PTPRR: variants seen among roughly 807,000 people sequenced by gnomAD.
PTPRR encodes protein tyrosine phosphatase receptor type R, also known as receptor-type tyrosine-protein phosphatase R.
Under a neutral mutation model 77.2 loss-of-function variants are expected in PTPRR, and 38 were observed. The observed-to-expected ratio is 0.49, with a 90% CI of 0.38 to 0.65. The LOEUF (loss-of-function observed/expected upper bound fraction) is 0.65, where lower values mean the gene tolerates loss of function less well. Among genes scored for constraint, PTPRR ranks in the 30% least tolerant of loss-of-function variants. The probability of loss-of-function intolerance (pLI) is 0.00; values close to 1 mark genes in which losing one functional copy is unlikely to be tolerated. For synonymous variants in PTPRR, 299 were observed against 283.1 expected, an observed-to-expected ratio of 1.06 and a Z score of -0.57; for missense variants, 744 against 799.2, an observed-to-expected ratio of 0.93 and a Z score of 0.83.
chr12:70,752,669 G>A (rs1000899108), intron 5 of PTPRR, among the ~76,000 whole-genome samples: 6 of 152,008 alleles, frequency 3.9e-5, no homozygotes, highest in African/African-American at 9.7e-5. Context: ...CACATCCATT[G>A]ATCCCCTGAA....
At chr12:70,792,458 C>A (rs970046865) in intron 2 of PTPRR, among the ~76,000 whole-genome samples, 1 of 152,124 alleles carries the variant, frequency 6.6e-6, no homozygotes, top group Non-Finnish European at 1.5e-5. Flanking sequence ...TCTTGGTGAA[C>A]TTTTCTGTCA....
At position 70,701,512 on chromosome 12, in the gene PTPRR, T is replaced by C. The variant is rs538385294; in HGVS notation, c.1008-189A>G. On this transcript the variant is annotated intron_variant, in intron 6 of 13. Coordinates refer to ENST00000283228, the MANE Select transcript of PTPRR (RefSeq NM_002849.4). ...GTTCCTTCACAGGAAAATAACAATT[T>C]TGTTGTTGGAAAGAACTCTAAATTG... Among the ~76,000 whole-genome samples, 2 of 152,316 alleles carry C rather than the reference T, an allele frequency of 1.3e-5. 1 individual carries two copies. The highest frequency in any genetic ancestry group is 4.1e-4 in the South Asian group (2 of 4,826).
chr12:70,695,151 C>A (rs528558948), intron 8 of PTPRR, among the ~76,000 whole-genome samples: 53 of 152,080 alleles, frequency 3.5e-4, no homozygotes, highest in Non-Finnish European at 6.5e-4. Flanking sequence ...TGTTGCAAGG[C>A]ATTCTCAGAA....
At chr12:70,781,799 T>C (rs1007719345) in intron 2 of PTPRR, among the ~76,000 whole-genome samples, 2 of 152,174 alleles carry the variant, frequency 1.3e-5, no homozygotes. Context: ...TAGTTTTAAA[T>C]AACTATGACC....
intron 6 of PTPRR, among the ~76,000 whole-genome samples, chr12:70,740,744 G>A (rs1487953385): frequency 6.6e-6 from 1 of 152,056 alleles, no homozygotes; most frequent in East Asian, 1.9e-4. Flanking sequence ...AAAAGATTGG[G>A]ACAAGTGACT....
intron 2 of PTPRR, among the ~76,000 whole-genome samples, chr12:70,890,398 G>A (rs1893314970): frequency 6.6e-6 from 1 of 152,134 alleles, no homozygotes; most frequent in Non-Finnish European, 1.5e-5. Flanking sequence ...ATGCTTTGCG[G>A]TGGCAATTGG....
At chr12:70,785,319 T>C (rs1312256088) in intron 2 of PTPRR, among the ~76,000 whole-genome samples, 1 of 126,350 alleles carries the variant, frequency 7.9e-6, no homozygotes, top group Non-Finnish European at 1.6e-5. Context: ...TTTTATAACC[T>C]AGTTTTTCCT....
intron 2 of PTPRR, among the ~76,000 whole-genome samples, chr12:70,869,051 G>C (rs1433956733): frequency 1.9e-5 from 2 of 105,164 alleles, no homozygotes; most frequent in African/African-American, 7.3e-5. Context: ...GGGGGAGGGG[G>C]GAGGGATAGC....
At chr12:70,803,408 A>C (rs1891651402) in intron 2 of PTPRR, among the ~76,000 whole-genome samples, 1 of 152,218 alleles carries the variant, frequency 6.6e-6, no homozygotes, top group Admixed American at 6.5e-5. Flanking sequence ...ATATGTCCAG[A>C]GTTGAATACT....
At chr12:70,682,002 A>C (rs1328529909) in intron 10 of PTPRR, among the ~76,000 whole-genome samples, 5 of 134,948 alleles carry the variant, frequency 3.7e-5, no homozygotes, top group Non-Finnish European at 1.6e-5. Context: ...GCATCATCCT[A>C]TATTAGTAGG....
At chr12:70,717,569 C>T (rs538524178) in intron 6 of PTPRR, among the ~76,000 whole-genome samples, 5 of 152,264 alleles carry the variant, frequency 3.3e-5, no homozygotes, top group Middle Eastern at 3.4e-3. Context: ...ATAGCTCTAT[C>T]ACATTTTTGT....
intron 2 of PTPRR, among the ~76,000 whole-genome samples, chr12:70,819,901 GAA>G (rs1463837636): frequency 6.6e-6 from 1 of 152,060 alleles, no homozygotes; most frequent in Non-Finnish European, 1.5e-5. Context: ...CTACAGCTAT[GAA>G]GAGAAGTTCT....
chr12:70,661,471 A>G (rs1470250691), intron 11 of PTPRR, among the ~76,000 whole-genome samples: 2 of 152,212 alleles, frequency 1.3e-5, no homozygotes, highest in African/African-American at 2.4e-5. Context: ...AGCATTCCTG[A>G]CAAGTTATTA....
intron 1 of PTPRR, among the ~76,000 whole-genome samples, chr12:70,903,797 C>T (rs891692112): frequency 2.6e-5 from 4 of 151,590 alleles, no homozygotes; most frequent in South Asian, 4.1e-4. Context: ...AGAAAGCTAG[C>T]TAGAGAGTGG....
At chr12:70,684,060 C>T (rs1887769229) in intron 10 of PTPRR, 67 bp downstream of exon 10, 1 of 1,520,190 alleles carries the variant, frequency 6.6e-7, no homozygotes. Context: ...GGCAATTTTA[C>T]TAACACAGTA....
chr12:70,787,196 A>G (rs1891340823), intron 2 of PTPRR, among the ~76,000 whole-genome samples: 1 of 152,154 alleles, frequency 6.6e-6, no homozygotes, highest in South Asian at 2.1e-4. Context: ...TTTTAGGAAG[A>G]TTGAGGTCCT....
chr12:70,765,668 C>T (rs1890801558), intron 2 of PTPRR, among the ~76,000 whole-genome samples: 2 of 152,164 alleles, frequency 1.3e-5, no homozygotes, highest in Admixed American at 1.3e-4. Flanking sequence ...GTGGTTCTCC[C>T]AGCATGCAGC....
intron 2 of PTPRR, among the ~76,000 whole-genome samples, chr12:70,869,325 T>C (rs1892920865): frequency 6.6e-6 from 1 of 152,116 alleles, no homozygotes; most frequent in South Asian, 2.1e-4. Context: ...TGTTTGACAG[T>C]GAAGAGTGCA....
At chr12:70,656,881 T>C (rs1447711101) in intron 12 of PTPRR, 64 bp from the exon 13 acceptor site, 4 of 1,125,860 alleles carry the variant, frequency 3.6e-6, no homozygotes, top group Non-Finnish European at 5.3e-6. Context: ...AAACATTCTT[T>C]TACAAGGGTA....
Sources: gnomAD v4.1 joint callset for allele counts (sites outside exome capture counted in the v4.1 genomes callset) on GRCh38, gnomAD v4.1.1 for gene constraint, MANE v1.5 for transcripts, NCBI Gene and HGNC (gene_info 2026-07-23, HGNC 2026-07-21) for gene names.